Variants in TMEFF1 observed in about 807,000 individuals in gnomAD.
The protein encoded by TMEFF1 is transmembrane protein with EGF like and two follistatin like domains 1.
In TMEFF1, 20 loss-of-function variants were observed where a neutral mutation model predicts 47.5. That is an observed-to-expected ratio of 0.42 (90% CI 0.30 to 0.61). TMEFF1 has a LOEUF of 0.61. Among genes scored for constraint, TMEFF1 ranks in the 20% least tolerant of loss-of-function variants. The pLI is 0.19. For synonymous variants in TMEFF1, 162 were observed against 166.3 expected, an observed-to-expected ratio of 0.97 and a Z score of 0.20; for missense variants, 411 against 471.1, an observed-to-expected ratio of 0.87 and a Z score of 1.18.
intron 4 of TMEFF1, 24 bp from the exon 5 acceptor site, chr9:100,516,651 A>C: frequency 6.2e-7 from 1 of 1,605,436 alleles, no homozygotes; most frequent in Non-Finnish European, 8.5e-7. Context: ...TTTGGTTGTA[A>C]ATTTGATTTT....
At chr9:100,571,443 A>G (rs1336653435) in intron 8 of TMEFF1, among the ~76,000 whole-genome samples, 1 of 152,188 alleles carries the variant, frequency 6.6e-6, no homozygotes, top group Non-Finnish European at 1.5e-5. Flanking sequence ...CTATTTTGAA[A>G]AAAATGCTAA....
chr9:100,550,081 G>T lies in TMEFF1; in HGVS notation c.710-14G>T, dbSNP rs79210152. 7.5e-6 allele frequency: 12 copies of T among 1,601,608 alleles called. No homozygotes were observed. The highest frequency in any genetic ancestry group is 9.4e-6 in the Non-Finnish European group (11 of 1,176,004). ...TTGTATATATTTTAATTTGAAAACC[G>T]TCTTCTCTTACAGATACAGATGACA... is the stretch of plus-strand genomic sequence containing the variant. On this transcript the variant is annotated splice_polypyrimidine_tract_variant and intron_variant, in intron 6 of 9. Transcript: ENST00000374879.
rs1490183688 is a variant in TMEFF1, at chr9:100,518,445, G to A, written c.560+1674G>A. ...ATACCAGCTCTAAGCATAAGGAAGT[G>A]GACATAGACCATGGAAGGGCTTACC... On this transcript the variant is annotated intron_variant, in intron 5 of 9. Coordinates refer to ENST00000374879, the MANE Select transcript of TMEFF1 (RefSeq NM_003692.5). 7.1e-6 allele frequency: 7 copies of A among 985,400 alleles called. No homozygotes were observed. In the East Asian group the frequency reaches 7.9e-4, roughly 112 times the overall value. The allele number at this position is 985,400 out of a possible 1,614,324, so 61.0% of individuals were successfully genotyped here.
At chr9:100,555,307 T>C (rs1366381400) in intron 7 of TMEFF1, among the ~76,000 whole-genome samples, 1 of 152,208 alleles carries the variant, frequency 6.6e-6, no homozygotes, top group Non-Finnish European at 1.5e-5. Flanking sequence ...GCTCAGTTCT[T>C]ACTGTGTGCA....
intron 8 of TMEFF1, among the ~76,000 whole-genome samples, chr9:100,570,090 A>C (rs983162905): frequency 6.6e-6 from 1 of 152,280 alleles, no homozygotes; most frequent in African/African-American, 2.4e-5. Flanking sequence ...CTGGAGGTTC[A>C]TCCATGCAAA....
chr9:100,541,347 C>CGTTTTTTTTT (rs748303966), intron 5 of TMEFF1, among the ~76,000 whole-genome samples: 1 of 131,440 alleles, frequency 7.6e-6, no homozygotes, highest in African/African-American at 2.8e-5. Context: ...TTGGCAATTT[C>CGTTTTTTTTT]ATTTTTTTTT....
chr9:100,475,715 C>CTGTGTG (rs3055671), intron 1 of TMEFF1, among the ~76,000 whole-genome samples: 7,672 of 140,848 alleles, frequency 0.054, 235 homozygotes, highest in Middle Eastern at 0.12. Context: ...TGCAGAGCGA[C>CTGTGTG]TGTGTGTGTG....
chr9:100,547,103 C>T (rs1838748496), intron 5 of TMEFF1, among the ~76,000 whole-genome samples: 2 of 152,258 alleles, frequency 1.3e-5, no homozygotes, highest in South Asian at 2.1e-4. Flanking sequence ...GCGGCCTCAA[C>T]CTCCTGGGCT....
chr9:100,515,836 A>G (rs76140383), intron 4 of TMEFF1, among the ~76,000 whole-genome samples: 15,570 of 152,072 alleles, frequency 0.1, 995 homozygotes, highest in Middle Eastern at 0.18. Flanking sequence ...CTCCCTGAAT[A>G]GTACTCTTTT....
intron 8 of TMEFF1, among the ~76,000 whole-genome samples, chr9:100,569,396 A>G (rs781517435): frequency 1.3e-5 from 2 of 152,044 alleles, no homozygotes; most frequent in African/African-American, 2.4e-5. Flanking sequence ...TTTTTTGGCT[A>G]TTATTGAGTT....
intron 8 of TMEFF1, among the ~76,000 whole-genome samples, chr9:100,562,029 T>A (rs1193817105): frequency 6.6e-6 from 1 of 152,148 alleles, no homozygotes; most frequent in East Asian, 1.9e-4. Context: ...AAGTTAGAAA[T>A]AGAGCTGGGA....
intron 5 of TMEFF1, among the ~76,000 whole-genome samples, chr9:100,525,436 T>C (rs1020876474): frequency 2.0e-5 from 3 of 152,024 alleles, no homozygotes; most frequent in Non-Finnish European, 4.4e-5. Context: ...TTGTAAAGGA[T>C]ACAAATGATC....
chr9:100,507,711 T>A (rs1837887414), intron 2 of TMEFF1, among the ~76,000 whole-genome samples: 1 of 152,198 alleles, frequency 6.6e-6, no homozygotes, highest in Non-Finnish European at 1.5e-5. Context: ...TGCCTTTTGC[T>A]TGTTGGATTG....
intron 5 of TMEFF1, among the ~76,000 whole-genome samples, chr9:100,532,681 G>T (rs1024302001): frequency 2.2e-3 from 332 of 151,652 alleles, no homozygotes; most frequent in African/African-American, 7.6e-3. Flanking sequence ...TCAGTGTGGC[G>T]ATTCCTCAGG....
At chr9:100,533,558 T>G (rs1288028976) in intron 5 of TMEFF1, among the ~76,000 whole-genome samples, 3 of 152,302 alleles carry the variant, frequency 2.0e-5, no homozygotes, top group African/African-American at 7.2e-5. Flanking sequence ...AATTTGAAAG[T>G]CTTTTCAAAG....
intron 1 of TMEFF1, among the ~76,000 whole-genome samples, chr9:100,481,881 A>C (rs983341171): frequency 6.6e-6 from 1 of 152,112 alleles, no homozygotes; most frequent in Admixed American, 6.6e-5. Flanking sequence ...TCCCAGGTTC[A>C]AGCGATTCTC....
chr9:100,522,094 G>C (rs930671728), intron 5 of TMEFF1, among the ~76,000 whole-genome samples: 1 of 152,340 alleles, frequency 6.6e-6, no homozygotes, highest in Non-Finnish European at 1.5e-5. Context: ...TGTGTAAACA[G>C]AGTAATGCTA....
intron 7 of TMEFF1, among the ~76,000 whole-genome samples, chr9:100,558,126 C>T (rs1838950382): frequency 6.6e-6 from 1 of 152,124 alleles, no homozygotes; most frequent in South Asian, 2.1e-4. Flanking sequence ...TGGTTAACTT[C>T]CTCTGACTGC....
At chr9:100,531,928 A>G (rs1838389046) in intron 5 of TMEFF1, among the ~76,000 whole-genome samples, 1 of 150,376 alleles carries the variant, frequency 6.6e-6, no homozygotes, top group African/African-American at 2.4e-5. Flanking sequence ...GCCCTCAGAA[A>G]TAACGCCGCA....
Sources: gnomAD v4.1 joint callset for allele counts (sites outside exome capture counted in the v4.1 genomes callset) on GRCh38, gnomAD v4.1.1 for gene constraint, MANE v1.5 for transcripts, NCBI Gene and HGNC (gene_info 2026-07-23, HGNC 2026-07-21) for gene names.